The following PPP1R12C variants were observed in gnomAD, a reference collection of about 807,000 sequenced individuals.
PPP1R12C encodes protein phosphatase 1 regulatory subunit 12C.
A neutral mutation model predicts 95.6 loss-of-function variants in PPP1R12C; 48 were observed. The ratio of observed to expected loss-of-function variants is 0.50; its 90% CI spans 0.40 to 0.64. PPP1R12C has a LOEUF of 0.64. Among genes scored for constraint, PPP1R12C ranks in the 30% least tolerant of loss-of-function variants. The pLI, the probability that PPP1R12C is intolerant of heterozygous loss-of-function variation, is 0.00. For missense variants in PPP1R12C, 1,057 were observed against 1,083.3 expected, an observed-to-expected ratio of 0.98 and a Z score of 0.34; for synonymous variants, 480 against 460.8, an observed-to-expected ratio of 1.04 and a Z score of -0.53.
chr19:55,103,635 T>A lies in PPP1R12C; in HGVS notation c.572-67A>T, dbSNP rs906707567. 6 of 1,413,586 alleles carry A rather than the reference T, an allele frequency of 4.2e-6. No individual in the cohort carries two copies. In the Admixed American group the frequency reaches 1.5e-4, roughly 35 times the overall value. The allele number at this position is 1,413,586 out of a possible 1,614,324, so 87.6% of individuals were successfully genotyped here. A position where few individuals can be genotyped will look rare whatever the true frequency, so the allele number is the denominator to read the frequency against. The stretch of plus-strand genomic sequence containing the variant: ...ACCTGAAATACCCAGGGTCATACAC[T>A]GGGCTGGCCAGGGTTCAGCCCAGTG... On this transcript the variant is annotated intron_variant, in intron 3 of 21. Coordinates refer to ENST00000263433, the MANE Select transcript of PPP1R12C (RefSeq NM_017607.4).
chr19:55,092,051 G>T, intron 19 of PPP1R12C, 142 bp from the exon 20 acceptor site: 1 of 1,194,204 alleles, frequency 8.4e-7, no homozygotes, highest in Non-Finnish European at 1.2e-6. Context: ...GCCACCGGCA[G>T]GCCCACAGCC....
At chr19:55,104,362 TA>T (rs2147199089) in intron 3 of PPP1R12C, among the ~76,000 whole-genome samples, 1 of 151,098 alleles carries the variant, frequency 6.6e-6, no homozygotes, top group South Asian at 2.1e-4. Flanking sequence ...GTAACATATA[TA>T]GACAGAAGTG....
At chr19:55,094,629 G>A in intron 12 of PPP1R12C, 32 bp downstream of exon 12, 2 of 1,549,230 alleles carry the variant, frequency 1.3e-6, no homozygotes, top group African/African-American at 1.4e-5. Flanking sequence ...GCTGGGGGCG[G>A]GGGCGGCAGC....
chr19:55,093,097 G>A (rs1348693912), intron 14 of PPP1R12C, 21 bp from the exon 15 acceptor site: 10 of 1,612,336 alleles, frequency 6.2e-6, no homozygotes, highest in Non-Finnish European at 8.5e-6. Context: ...GGGGAGGCGA[G>A]TCAGGGAAGC....
chr19:55,108,705 CTTGTT>C (rs1245052290), intron 3 of PPP1R12C, among the ~76,000 whole-genome samples: 8 of 152,050 alleles, frequency 5.3e-5, no homozygotes, highest in Non-Finnish European at 8.8e-5. Context: ...TTTGTTTTGT[CTTGTT>C]TTGTTTTTTG....
intron 6 of PPP1R12C, 131 bp downstream of exon 6, chr19:55,098,652 AC>A (rs1486528001): frequency 3.5e-6 from 4 of 1,141,882 alleles, no homozygotes; most frequent in Non-Finnish European, 5.1e-6. Flanking sequence ...GGGCTGGGTC[AC>A]CAAGAGGGAA....
At chr19:55,095,228 C>G in intron 11 of PPP1R12C, 63 bp downstream of exon 11, 1 of 1,479,204 alleles carries the variant, frequency 6.8e-7, no homozygotes, top group Non-Finnish European at 9.2e-7. Context: ...CAGGATCACA[C>G]GGACAGGCTT....
At chr19:55,113,386 G>A in intron 1 of PPP1R12C, 1 of 1,461,690 alleles carries the variant, frequency 6.8e-7, no homozygotes, top group Admixed American at 2.4e-5. Flanking sequence ...TGAGACAGCT[G>A]CACACCTGTG....
Position 55,091,342 on chromosome 19 carries a change from G to A in PPP1R12C, c.*130C>T, listed in dbSNP as rs553427519. 2.2e-4 allele frequency: 215 copies of A among 988,644 alleles called. No individual in the cohort carries two copies. The highest frequency in any genetic ancestry group is 6.8e-4 in the African/African-American group (42 of 62,122). 61.2% of individuals were successfully genotyped at this position (988,644 alleles called of 1,614,324 possible). A position where few individuals can be genotyped will look rare whatever the true frequency, so the allele number is the denominator to read the frequency against. ...GGGGACTCTGCTCCCCTCCCAGTCC[G>A]GAGGTCCCAGGGGGGCTATGGCTTC... is the stretch of plus-strand genomic sequence containing the variant. On this transcript the variant is annotated 3_prime_UTR_variant, in exon 22 of 22. Coordinates refer to ENST00000263433, the MANE Select transcript of PPP1R12C (RefSeq NM_017607.4).
Position 55,096,070 on chromosome 19 carries a change from C to G in PPP1R12C, c.1134G>C (p.Glu378Asp). Residue 378 changes from glutamate (E) to aspartate (D), a missense_variant, in exon 8 of 22, where the codon GAG (glutamate) becomes GAC (aspartate). This residue lies in a region of PPP1R12C where 356 missense variants were observed against 330.5 expected (regional missense o/e 1.08). Coordinates refer to ENST00000263433, the MANE Select transcript of PPP1R12C (RefSeq NM_017607.4). ...AGGPPIQDEDEGEEGPTEPPP... is the reference protein window; with the variant it reads ...AGGPPIQDEDDGEEGPTEPPP... ...CCTCACCGGTGGGACCTTCTTCCCC[C>G]TCATCCTCGTCCTGGATGGGGGGCC... 1 of 1,609,876 alleles carries G rather than the reference C, an allele frequency of 6.2e-7. No individual in the cohort carries two copies. The highest frequency in any genetic ancestry group is 8.5e-7 in the Non-Finnish European group (1 of 1,178,840).
In PPP1R12C at chr19:55,091,567, C is replaced by T. The variant is rs376539716; in HGVS notation, c.2263-9G>A. 53 of 1,613,076 alleles carry T rather than the reference C, an allele frequency of 3.3e-5. No individual in the cohort carries two copies. The highest frequency in any genetic ancestry group is 1.7e-4 in the Middle Eastern group (1 of 6,052). ...CGGAGGTCAGACAGGGCCTGGGGGA[C>T]GGCAAGGGTCAGCTGGGCAGCCCTG... On this transcript the variant is annotated splice_polypyrimidine_tract_variant and intron_variant, in intron 21 of 21. Transcript: ENST00000263433.
intron 20 of PPP1R12C, 45 bp from the exon 21 acceptor site, chr19:55,091,745 G>A: frequency 6.2e-7 from 1 of 1,613,310 alleles, no homozygotes. Flanking sequence ...AGGCTGAGGA[G>A]GGCAGGGGAA....
chr19:55,092,437 C>T lies in PPP1R12C; in HGVS notation c.2055+5G>A, dbSNP rs753893726. 1 of 1,604,206 alleles carries T rather than the reference C, an allele frequency of 6.2e-7. No homozygotes were observed. Among genetic ancestry groups the T allele is most frequent in the East Asian group, 2.3e-5 (1 of 44,416 alleles). The stretch of plus-strand genomic sequence containing the variant: ...CAAAGCCCCGACGGAGGGGTGGGAT[C>T]GCACCGTCCTAAAGCCTCCGTCTGG... On this transcript the variant is annotated splice_donor_5th_base_variant and intron_variant, in intron 18 of 21. Coordinates refer to ENST00000263433, the MANE Select transcript of PPP1R12C (RefSeq NM_017607.4).
chr19:55,115,626 G>C (rs955031199), intron 1 of PPP1R12C: 1 of 152,044 alleles, frequency 6.6e-6, no homozygotes, highest in Non-Finnish European at 1.5e-5. Flanking sequence ...GGCAAGGAGA[G>C]AGATGGCTCC....
chr19:55,097,438 TCGCCCCTTCTCCGCG>T (rs2084931420), intron 6 of PPP1R12C, among the ~76,000 whole-genome samples: 18 of 119,974 alleles, frequency 1.5e-4, no homozygotes, highest in African/African-American at 3.7e-4. Flanking sequence ...ACCACCGTCT[TCGCCCCTTCTCCGCG>T]CAGTTCACCA....
In PPP1R12C at chr19:55,092,768, A is replaced by T. The variant is rs1295803806; in HGVS notation, c.1911+15T>A. On this transcript the variant is annotated intron_variant, in intron 16 of 21. Transcript: ENST00000263433. ...CCACCCTCTGCACCAGCTCGGCCCCACCTGAGCCCCTCACCTCCGCAGGCC... is the reference window on the plus strand; with the variant it reads ...CCACCCTCTGCACCAGCTCGGCCCCTCCTGAGCCCCTCACCTCCGCAGGCC... The T allele has an allele frequency of 6.5e-7, 1 of 1,539,864 alleles. No homozygotes were observed. Among genetic ancestry groups the T allele is most frequent in the Admixed American group, 2.0e-5 (1 of 48,836 alleles).
chr19:55,108,240 T>C (rs2085059757), intron 3 of PPP1R12C, among the ~76,000 whole-genome samples: 1 of 150,952 alleles, frequency 6.6e-6, no homozygotes, highest in South Asian at 2.2e-4. Flanking sequence ...CAGCCTAAAA[T>C]TTACCATTTT....
At chr19:55,104,179 AGT>A (rs1491369462) in intron 3 of PPP1R12C, among the ~76,000 whole-genome samples, 1,711 of 104,258 alleles carry the variant, frequency 0.016, 50 homozygotes, top group African/African-American at 0.062. Context: ...AAAAAAAAAA[AGT>A]ATATATATAT....
intron 6 of PPP1R12C, among the ~76,000 whole-genome samples, chr19:55,097,457 T>C (rs1205141847): frequency 3.3e-5 from 4 of 122,628 alleles, no homozygotes; most frequent in African/African-American, 1.4e-4. Context: ...CTCCGCGCAG[T>C]TCACCACCGT....
Sources: allele counts gnomAD v4.1 joint callset (sites outside exome capture counted in the v4.1 genomes callset), GRCh38; gene constraint gnomAD v4.1.1; regional missense constraint gnomAD v4.1.1; transcripts MANE v1.5; gene names NCBI Gene and HGNC (gene_info 2026-07-23, HGNC 2026-07-21).